TENT2: variants seen among roughly 807,000 people sequenced by gnomAD.
TENT2 encodes poly(A) RNA polymerase GLD2.
A neutral mutation model predicts 72.2 loss-of-function variants in TENT2; 44 were observed. The observed-to-expected ratio is 0.61, with a 90% confidence interval of 0.48 to 0.78. The LOEUF (loss-of-function observed/expected upper bound fraction) is 0.78. Ranked by LOEUF, TENT2 falls within the 30% of genes least tolerant of loss-of-function variation. The pLI, the probability that TENT2 is intolerant of heterozygous loss-of-function variation, is 0.00. For synonymous variants in TENT2, 212 were observed against 192.5 expected, an observed-to-expected ratio of 1.10 and a Z score of -0.84; for missense variants, 541 against 569.6, an observed-to-expected ratio of 0.95 and a Z score of 0.51.
At position 79,668,865 on chromosome 5, in the gene TENT2, A is replaced by AT. The variant is rs749059410; in HGVS notation, c.1072-21dup. The AT allele has an allele frequency of 9.4e-5, 150 of 1,593,040 alleles. No homozygotes were observed. In the African/African-American group the frequency reaches 1.4e-3, roughly 14 times the overall value. On this transcript the variant is annotated intron_variant, in intron 11 of 14. Coordinates refer to ENST00000453514, the MANE Select transcript of TENT2 (RefSeq NM_001114394.3). ...TAGTGTGTGTTTTAAATGGCTTTAC[A>AT]TTTTTTCCCCTTCTTCTTTTTGACA...
chr5:79,659,588 ATATAT>A (rs1268857398), intron 11 of TENT2, among the ~76,000 whole-genome samples: 4 of 131,762 alleles, frequency 3.0e-5, no homozygotes, highest in Admixed American at 7.8e-5. Context: ...ATATATATAT[ATATAT>A]AATAGCCATC....
At position 79,640,514 on chromosome 5, in the gene TENT2, T is replaced by C. The variant is rs151183765; in HGVS notation, c.466-337T>C. 1.3e-3 allele frequency among the ~76,000 whole-genome samples: 196 copies of C among 152,304 alleles called. 6 individuals carry two copies. The East Asian group carries it at 0.034, about 27-fold the overall frequency. On this transcript the variant is annotated intron_variant, in intron 4 of 14. Transcript: ENST00000453514. ...TTTATTTGTTTGTTTTCATAATCCT[T>C]TAAAAATATAAAAAAATTCTTTTCT...
intron 4 of TENT2, among the ~76,000 whole-genome samples, chr5:79,635,232 G>T (rs962897048): frequency 6.6e-6 from 1 of 152,030 alleles, no homozygotes. Flanking sequence ...CAACATATAT[G>T]TGCATTTCTC....
At chr5:79,681,864 G>A (rs1243437874) in intron 13 of TENT2, 118 bp from the exon 14 acceptor site, 31 of 753,480 alleles carry the variant, frequency 4.1e-5, no homozygotes, top group Non-Finnish European at 6.0e-5. Context: ...TGACCCATCT[G>A]AAATTGCAAT....
intron 10 of TENT2, among the ~76,000 whole-genome samples, chr5:79,653,128 T>TG (rs1795421246): frequency 6.6e-6 from 1 of 152,174 alleles, no homozygotes; most frequent in African/African-American, 2.4e-5. Context: ...TTTGACTGAC[T>TG]TCTTTAGAAA....
Position 79,655,595 on chromosome 5 carries a change from A to G in TENT2, c.1028-1363A>G, listed in dbSNP as rs957095997. Among the ~76,000 whole-genome samples, 6 of 152,084 alleles carry G rather than the reference A, an allele frequency of 3.9e-5. No homozygotes were observed. In the East Asian group the frequency reaches 5.8e-4, roughly 15 times the overall value. ...TACTAGAAAGCTATTAAAAAGTCTT[A>G]TACAAATAGAGAGACATTTAGAATT... On this transcript the variant is annotated intron_variant, in intron 10 of 14. Coordinates refer to ENST00000453514, the MANE Select transcript of TENT2 (RefSeq NM_001114394.3).
rs111832490 is a variant in TENT2, at chr5:79,687,302, C to T, written c.*2029C>T. ...TTCTGGACTTTTAAGTTATTAATCT[C>T]AATTATTTGTGTGGTGAGTACTAAA... On this transcript the variant is annotated 3_prime_UTR_variant, in exon 15 of 15. Coordinates refer to ENST00000453514, the MANE Select transcript of TENT2 (RefSeq NM_001114394.3). Among the ~76,000 whole-genome samples, 7 of 151,624 alleles carry T rather than the reference C, an allele frequency of 4.6e-5. No homozygotes were observed. The highest frequency in any genetic ancestry group is 1.7e-4 in the African/African-American group (7 of 40,968).
chr5:79,617,164 A>G (rs1051056546), intron 1 of TENT2, among the ~76,000 whole-genome samples: 10 of 151,552 alleles, frequency 6.6e-5, no homozygotes, highest in Non-Finnish European at 7.4e-5. Context: ...TCTATAGTTC[A>G]TTCTTTTGAT....
intron 12 of TENT2, among the ~76,000 whole-genome samples, chr5:79,678,526 A>G (rs894308502): frequency 6.6e-5 from 10 of 152,148 alleles, no homozygotes; most frequent in Non-Finnish European, 1.0e-4. Flanking sequence ...AAAAGAAAAT[A>G]CTTGTAATAA....
At chr5:79,628,014 T>A (rs933139172) in intron 4 of TENT2, among the ~76,000 whole-genome samples, 2 of 152,196 alleles carry the variant, frequency 1.3e-5, no homozygotes, top group Non-Finnish European at 2.9e-5. Flanking sequence ...AATAACTTGC[T>A]CAGGGTTACA....
intron 10 of TENT2, among the ~76,000 whole-genome samples, chr5:79,652,353 C>T (rs61393513): frequency 0.01 from 1,594 of 151,882 alleles, 33 homozygotes; most frequent in African/African-American, 0.037. Flanking sequence ...TCTCATACAT[C>T]ATAATACCAA....
chr5:79,674,035 A>C (rs2150772268), intron 12 of TENT2, among the ~76,000 whole-genome samples: 1 of 152,340 alleles, frequency 6.6e-6, no homozygotes. Flanking sequence ...ACAAATGCAG[A>C]ATGTAGGCAT....
At chr5:79,678,128 G>A (rs1432615604) in intron 12 of TENT2, among the ~76,000 whole-genome samples, 1 of 152,134 alleles carries the variant, frequency 6.6e-6, no homozygotes, top group Non-Finnish European at 1.5e-5. Flanking sequence ...CACAAATCCT[G>A]TTATATATAT....
chr5:79,675,613 G>A (rs1267660599), intron 12 of TENT2, among the ~76,000 whole-genome samples: 1 of 152,172 alleles, frequency 6.6e-6, no homozygotes, highest in Non-Finnish European at 1.5e-5. Flanking sequence ...AGCTGCGTGG[G>A]AAAGAATTGG....
rs550686837 is a variant in TENT2, at chr5:79,620,058, G to T, written c.202G>T (p.Ala68Ser). 1 of 1,609,904 alleles carries T rather than the reference G, an allele frequency of 6.2e-7. No homozygotes were observed. The highest frequency in any genetic ancestry group is 1.1e-5 in the South Asian group (1 of 90,568). Reference sequence around the variant, plus strand: ...AAATGTCAGTCCAATACAGACCTCAGCTTCCCCATTATTTCGAGGAAGGAA... The same window carrying T: ...AAATGTCAGTCCAATACAGACCTCATCTTCCCCATTATTTCGAGGAAGGAA... ...YGNVSPIQTS[A>S]SPLFRGRKRL... Residue 68 changes from alanine (A) to serine (S), a missense_variant, in exon 3 of 15, where the codon GCT becomes TCT. Ala to Ser is a moderately conservative substitution (Grantham distance 99). Coordinates refer to ENST00000453514, the MANE Select transcript of TENT2 (RefSeq NM_001114394.3).
At position 79,619,745 on chromosome 5, in the gene TENT2, C is replaced by T; in HGVS notation, c.97C>T (p.Gln33Ter). ...CCTGTCACCTACTGTTTATTCACAC[C>T]AGCAGCTTATAGATGCACAATTCAA... is the stretch of plus-strand genomic sequence containing the variant. ...FTLSPTVYSH[Q>*]QLIDAQFNFQ... is the part of the protein sequence containing the mutation. Residue 33 changes from glutamine to a stop codon, truncating the protein, a stop_gained, in exon 2 of 15, where the codon CAG becomes TAG. Coordinates refer to ENST00000453514, the MANE Select transcript of TENT2 (RefSeq NM_001114394.3). LOFTEE classifies it high-confidence loss of function. 2 of 1,613,806 alleles carry T rather than the reference C, an allele frequency of 1.2e-6. No individual in the cohort carries two copies. Among genetic ancestry groups the T allele is most frequent in the African/African-American group, 1.3e-5 (1 of 75,010 alleles).
At chr5:79,664,527 G>A (rs1166778048) in intron 11 of TENT2, among the ~76,000 whole-genome samples, 1 of 151,466 alleles carries the variant, frequency 6.6e-6, no homozygotes, top group South Asian at 2.1e-4. Context: ...CCCAGGAGGC[G>A]GAGGTTGCAG....
intron 4 of TENT2, 141 bp from the exon 5 acceptor site, chr5:79,640,710 C>T: frequency 2.6e-5 from 13 of 498,308 alleles, no homozygotes; most frequent in Non-Finnish European, 1.1e-5. Flanking sequence ...GTAATAGTAG[C>T]TTTGTTTTGG....
intron 10 of TENT2, among the ~76,000 whole-genome samples, chr5:79,653,886 A>G (rs1230573542): frequency 6.6e-6 from 1 of 152,180 alleles, no homozygotes; most frequent in Non-Finnish European, 1.5e-5. Context: ...ACTGGCCTTA[A>G]TCTCACCTGT....
Sources: allele counts gnomAD v4.1 joint callset (sites outside exome capture counted in the v4.1 genomes callset), GRCh38; gene constraint gnomAD v4.1.1; transcripts MANE v1.5; gene names NCBI Gene and HGNC (gene_info 2026-07-23, HGNC 2026-07-21).